CORO2B: variants seen among roughly 807,000 people sequenced by gnomAD.
CORO2B encodes coronin 2B, also known as coronin-2B.
Under a neutral mutation model 58.8 loss-of-function variants are expected in CORO2B, and 26 were observed. That is an observed-to-expected ratio of 0.44 (90% CI 0.32 to 0.61). The LOEUF (loss-of-function observed/expected upper bound fraction) is 0.61, where lower values mean the gene tolerates loss of function less well. Among genes scored for constraint, CORO2B ranks in the 20% least tolerant of loss-of-function variants. CORO2B has a pLI of 0.04. For synonymous variants in CORO2B, 242 were observed against 253.8 expected (o/e 0.95, Z 0.44); for missense variants, 460 against 645.1 (o/e 0.71, Z 3.11).
intron 8 of CORO2B, among the ~76,000 whole-genome samples, chr15:68,716,162 C>A (rs1219779370): frequency 6.6e-6 from 1 of 152,234 alleles, no homozygotes; most frequent in Admixed American, 6.5e-5. Flanking sequence ...ATTCCATCAA[C>A]TTTACTCTTC....
At chr15:68,545,312 G>A in the CORO2B span, among the ~76,000 whole-genome samples, 1 of 152,120 alleles carries the variant, frequency 6.6e-6, no homozygotes, top group African/African-American at 2.4e-5. Flanking sequence ...GCTATGGAAA[G>A]GCGTTTGGTG....
intron 2 of CORO2B, among the ~76,000 whole-genome samples, chr15:68,667,647 G>A (rs1260197011): frequency 6.6e-6 from 1 of 152,210 alleles, no homozygotes. Flanking sequence ...GATAAGCCAG[G>A]TTTGCACTGG....
intron 1 of CORO2B, chr15:68,616,533 G>A (rs898093614): frequency 2.0e-6 from 2 of 985,346 alleles, no homozygotes; most frequent in African/African-American, 3.5e-5. Flanking sequence ...AGCTGCCCTG[G>A]ATCCAGATTC....
intron 1 of CORO2B, among the ~76,000 whole-genome samples, chr15:68,603,543 G>A (rs988002563): frequency 6.6e-6 from 1 of 152,064 alleles, no homozygotes; most frequent in Non-Finnish European, 1.5e-5. Context: ...TTCATATGTT[G>A]AAGCCCTAAC....
intron 1 of CORO2B, among the ~76,000 whole-genome samples, chr15:68,636,406 G>T (rs1901033421): frequency 6.6e-6 from 1 of 152,206 alleles, no homozygotes; most frequent in African/African-American, 2.4e-5. Context: ...CGTGTCTCTG[G>T]CTGGGCTTGC....
chr15:68,620,762 G>GTCACTCAGCCAC (rs917262488), intron 1 of CORO2B, among the ~76,000 whole-genome samples: 2 of 152,124 alleles, frequency 1.3e-5, no homozygotes, highest in African/African-American at 4.8e-5. Flanking sequence ...TGTGCCTGCC[G>GTCACTCAGCCAC]TCACTCAGCC....
At chr15:68,578,268 A>G (rs979254775), upstream of CORO2B, among the ~76,000 whole-genome samples, 6 of 152,174 alleles carry the variant, frequency 3.9e-5, no homozygotes, top group Non-Finnish European at 5.9e-5. This position sits in a 1 kb window ranked among gnomAD's most constrained non-coding sequence, Gnocchi z 4.2. Flanking sequence ...GGCAGCTTCT[A>G]TAACAAGAGG....
chr15:68,555,019 G>T, the CORO2B span, among the ~76,000 whole-genome samples: 2 of 152,198 alleles, frequency 1.3e-5, no homozygotes, highest in African/African-American at 4.8e-5. Context: ...CTACCACATG[G>T]CTGGGGCTGG....
intron 1 of CORO2B, among the ~76,000 whole-genome samples, chr15:68,619,820 T>G (rs1900468473): frequency 6.6e-6 from 1 of 152,180 alleles, no homozygotes; most frequent in African/African-American, 2.4e-5. Flanking sequence ...AGATAAACTC[T>G]AGGTCTTTCC....
At position 68,587,998 on chromosome 15, in the gene CORO2B, G is replaced by A. The variant is rs1899610163; in HGVS notation, c.15+8721G>A. Among the ~76,000 whole-genome samples the A allele has an allele frequency of 2.0e-5, 3 of 152,242 alleles. No homozygotes were observed. The South Asian group carries it at 6.2e-4, about 32-fold the overall frequency. Reference sequence around the variant, plus strand: ...TGTGACCTTGGGCTAGTCCCTGGATGTCTCTGAGCGTCTGTGAAAATGAAG... The same window carrying A: ...TGTGACCTTGGGCTAGTCCCTGGATATCTCTGAGCGTCTGTGAAAATGAAG... On this transcript the variant is annotated intron_variant, in intron 1 of 11. Coordinates refer to ENST00000261861, the MANE Select transcript of CORO2B (RefSeq NM_006091.5).
the CORO2B span, among the ~76,000 whole-genome samples, chr15:68,554,887 G>T: frequency 4.7e-3 from 714 of 152,186 alleles, 5 homozygotes; most frequent in South Asian, 0.019. Context: ...GACAGCCAGT[G>T]CAAGGCAGCT....
chr15:68,592,838 TCAA>T (rs1899739260), intron 1 of CORO2B, among the ~76,000 whole-genome samples: 1 of 152,220 alleles, frequency 6.6e-6, no homozygotes, highest in South Asian at 2.1e-4. Flanking sequence ...GAGGTGGTTC[TCAA>T]CCCCGGCTGC....
At chr15:68,629,418 G>A (rs545769730) in intron 1 of CORO2B, among the ~76,000 whole-genome samples, 13 of 152,212 alleles carry the variant, frequency 8.5e-5, no homozygotes, top group Non-Finnish European at 1.8e-4. Flanking sequence ...TCACAAACGT[G>A]CCCTGTGGAC....
the CORO2B span, among the ~76,000 whole-genome samples, chr15:68,538,756 C>G: frequency 5.9e-5 from 4 of 67,598 alleles, no homozygotes; most frequent in African/African-American, 2.1e-4. Context: ...CCAACCTCCC[C>G]AGACCTACTG....
chr15:68,624,889 G>A (rs1308326773), intron 1 of CORO2B, among the ~76,000 whole-genome samples: 2 of 152,068 alleles, frequency 1.3e-5, no homozygotes, highest in Non-Finnish European at 2.9e-5. Flanking sequence ...TGCCATGTTG[G>A]CCAGGCTGGT....
intron 1 of CORO2B, among the ~76,000 whole-genome samples, chr15:68,642,578 G>C (rs1341926217): frequency 3.3e-5 from 5 of 152,182 alleles, no homozygotes; most frequent in African/African-American, 1.2e-4. Flanking sequence ...TTACCCAGCA[G>C]GTCTCCCCAT....
the CORO2B span, among the ~76,000 whole-genome samples, chr15:68,556,036 C>T: frequency 7.9e-5 from 12 of 152,350 alleles, no homozygotes; most frequent in African/African-American, 2.9e-4. Context: ...AGAATCCACT[C>T]ATCTCTGCCC....
chr15:68,565,803 C>A, the CORO2B span, among the ~76,000 whole-genome samples: 1 of 152,236 alleles, frequency 6.6e-6, no homozygotes, highest in Non-Finnish European at 1.5e-5. Flanking sequence ...AGAAATAATA[C>A]CTGCTTGGGC....
intron 2 of CORO2B, among the ~76,000 whole-genome samples, chr15:68,660,785 C>T (rs1218038995): frequency 6.6e-6 from 1 of 152,196 alleles, no homozygotes; most frequent in Non-Finnish European, 1.5e-5. Flanking sequence ...TGCACAACAT[C>T]TGGACACCGT....
Sources: allele counts gnomAD v4.1 joint callset (sites outside exome capture counted in the v4.1 genomes callset), GRCh38; gene constraint gnomAD v4.1.1; non-coding constraint Gnocchi (gnomAD v3.1); transcripts MANE v1.5; gene names NCBI Gene and HGNC (gene_info 2026-07-23, HGNC 2026-07-21).